Variants in DOK6 observed in about 807,000 individuals in gnomAD.
DOK6 encodes the protein downstream of tyrosine kinase 6.
Under a neutral mutation model 44.0 loss-of-function variants are expected in DOK6, and 22 were observed. That is an observed-to-expected ratio of 0.50 (90% CI 0.36 to 0.71). The LOEUF (loss-of-function observed/expected upper bound fraction) is 0.71, where lower values mean the gene tolerates loss of function less well. Ranked by LOEUF, DOK6 falls within the 30% of genes least tolerant of loss-of-function variation. The probability of loss-of-function intolerance (pLI) is 0.00; values close to 1 mark genes in which losing one functional copy is unlikely to be tolerated. For synonymous variants in DOK6, 166 were observed against 145.5 expected (o/e 1.14, Z -1.01); for missense variants, 340 against 416.4 (o/e 0.82, Z 1.60).
intron 3 of DOK6, among the ~76,000 whole-genome samples, chr18:69,647,904 G>A (rs1985125453): frequency 6.6e-6 from 1 of 152,136 alleles, no homozygotes; most frequent in African/African-American, 2.4e-5. Context: ...ATGTTAAACA[G>A]GACCCTGCTA....
chr18:69,618,389 G>C (rs1303698988), intron 3 of DOK6, among the ~76,000 whole-genome samples: 2 of 152,214 alleles, frequency 1.3e-5, no homozygotes, highest in African/African-American at 4.8e-5. Context: ...AAATTCCTCT[G>C]TGTTTTTAAA....
At chr18:69,554,436 C>G (rs1982639893) in intron 1 of DOK6, among the ~76,000 whole-genome samples, 1 of 152,138 alleles carries the variant, frequency 6.6e-6, no homozygotes, top group Non-Finnish European at 1.5e-5. Context: ...TTGTATCATG[C>G]TTTCTTTTGT....
At chr18:69,523,844 G>T (rs1241029999) in intron 1 of DOK6, among the ~76,000 whole-genome samples, 1 of 151,964 alleles carries the variant, frequency 6.6e-6, no homozygotes, top group African/African-American at 2.4e-5. Flanking sequence ...TAAAGTAATG[G>T]TTACAACGAT....
chr18:69,685,815 C>A (rs537450228), intron 4 of DOK6, among the ~76,000 whole-genome samples: 64 of 152,238 alleles, frequency 4.2e-4, no homozygotes, highest in Non-Finnish European at 8.5e-4. Flanking sequence ...ATTTTAACAT[C>A]TTTTTGTAGT....
intron 1 of DOK6, among the ~76,000 whole-genome samples, chr18:69,531,457 T>G (rs2144573608): frequency 6.6e-6 from 1 of 151,740 alleles, no homozygotes; most frequent in East Asian, 1.9e-4. Context: ...ATAAGTCCAC[T>G]ACCAAAAGAT....
intron 6 of DOK6, among the ~76,000 whole-genome samples, chr18:69,744,618 A>AAAC (rs1025544358): frequency 5.3e-5 from 8 of 152,102 alleles, no homozygotes; most frequent in Admixed American, 4.6e-4. Context: ...AATTTAGTCT[A>AAAC]AACAACAACA....
Position 69,542,999 on chromosome 18 carries a change from A to G in DOK6, c.67-21488A>G, listed in dbSNP as rs762939942. Reference sequence around the variant, plus strand: ...GGATAGAAAGATTGTCCAAAGGGGTATTTTCAAAGGAGTCTGCTTTGGGAC... The same window carrying G: ...GGATAGAAAGATTGTCCAAAGGGGTGTTTTCAAAGGAGTCTGCTTTGGGAC... On this transcript the variant is annotated intron_variant, in intron 1 of 7. Coordinates refer to ENST00000382713, the MANE Select transcript of DOK6 (RefSeq NM_152721.6). 2.6e-5 allele frequency among the ~76,000 whole-genome samples: 4 copies of G among 151,478 alleles called. No individual in the cohort carries two copies. In the East Asian group the frequency reaches 5.8e-4, roughly 22 times the overall value.
chr18:69,839,027 CCCCTAGCTCCACTCCTAGTCTCT>C (rs71178822), intron 7 of DOK6, among the ~76,000 whole-genome samples: 6,971 of 148,438 alleles, frequency 0.047, 197 homozygotes, highest in Non-Finnish European at 0.053. Context: ...CCTAACTCCT[CCCCTAGCTCCACTCCTAGTCTCT>C]CCCTAGCTCC....
intron 1 of DOK6, among the ~76,000 whole-genome samples, chr18:69,547,369 G>A (rs1234713380): frequency 1.3e-5 from 2 of 151,428 alleles, no homozygotes; most frequent in Admixed American, 6.6e-5. Context: ...AAAATGCTGG[G>A]ATTACAGGCA....
chr18:69,694,358 C>T (rs1334060815), intron 4 of DOK6, among the ~76,000 whole-genome samples: 1 of 151,544 alleles, frequency 6.6e-6, no homozygotes, highest in Non-Finnish European at 1.5e-5. Flanking sequence ...ATCATTCAGC[C>T]CTAGTGAAAA....
At chr18:69,754,232 T>A (rs1328715453) in intron 6 of DOK6, among the ~76,000 whole-genome samples, 5 of 151,578 alleles carry the variant, frequency 3.3e-5, no homozygotes, top group Non-Finnish European at 2.9e-5. Flanking sequence ...TTTACACCTG[T>A]AATCCAGGCT....
chr18:69,499,423 A>G (rs1490183385), intron 1 of DOK6, among the ~76,000 whole-genome samples: 2 of 152,228 alleles, frequency 1.3e-5, no homozygotes, highest in African/African-American at 4.8e-5. Context: ...GTGTGATAGA[A>G]TTAATCAAAT....
chr18:69,534,337 A>G (rs1982063158), intron 1 of DOK6, among the ~76,000 whole-genome samples: 1 of 152,158 alleles, frequency 6.6e-6, no homozygotes, highest in Non-Finnish European at 1.5e-5. Flanking sequence ...GTGATAATTG[A>G]ATATTTTAGA....
rs189280343 is a variant in DOK6, at chr18:69,755,026, A to T, written c.739-2730A>T. 7.2e-5 allele frequency among the ~76,000 whole-genome samples: 11 copies of T among 152,312 alleles called. No individual in the cohort carries two copies. In the East Asian group the frequency reaches 1.9e-3, roughly 27 times the overall value. On this transcript the variant is annotated intron_variant, in intron 6 of 7. Coordinates refer to ENST00000382713, the MANE Select transcript of DOK6 (RefSeq NM_152721.6). ...GGCAAAGATCCCAAGAAAATCCATGATCAATTTTTTAAATACAAATTTTCC... is the reference window on the plus strand; with the variant it reads ...GGCAAAGATCCCAAGAAAATCCATGTTCAATTTTTTAAATACAAATTTTCC...
At chr18:69,829,793 A>G (rs9956173) in intron 7 of DOK6, among the ~76,000 whole-genome samples, 88,449 of 151,464 alleles carry the variant, frequency 0.58, 27,876 homozygotes, top group Admixed American at 0.7. Flanking sequence ...GAAATTAACA[A>G]AACAATGAGA....
chr18:69,741,721 T>A (rs1299581556), intron 6 of DOK6, among the ~76,000 whole-genome samples: 3 of 152,152 alleles, frequency 2.0e-5, no homozygotes, highest in African/African-American at 7.2e-5. Context: ...GGTGTTGAAC[T>A]CCTGGGTTCA....
At chr18:69,657,107 T>C (rs1415008253) in intron 3 of DOK6, among the ~76,000 whole-genome samples, 1 of 152,174 alleles carries the variant, frequency 6.6e-6, no homozygotes, top group Non-Finnish European at 1.5e-5. Flanking sequence ...ATATCTCCAA[T>C]TGAATTGAAA....
At chr18:69,449,715 G>C (rs1237135447) in intron 1 of DOK6, among the ~76,000 whole-genome samples, 1 of 152,008 alleles carries the variant, frequency 6.6e-6, no homozygotes, top group African/African-American at 2.4e-5. Flanking sequence ...GGAGATCTGA[G>C]AACGGGCAGA....
chr18:69,741,480 C>G (rs1978796895), intron 6 of DOK6, among the ~76,000 whole-genome samples: 2 of 152,164 alleles, frequency 1.3e-5, no homozygotes, highest in African/African-American at 4.8e-5. Flanking sequence ...GATACCTCAA[C>G]ATGCACAAAA....
Sources: allele counts gnomAD v4.1 joint callset (sites outside exome capture counted in the v4.1 genomes callset), GRCh38; gene constraint gnomAD v4.1.1; transcripts MANE v1.5; gene names NCBI Gene and HGNC (gene_info 2026-07-23, HGNC 2026-07-21).